MIER2: variants seen among roughly 807,000 people sequenced by gnomAD.
MIER2 encodes the protein MIER family member 2.
A neutral mutation model predicts 67.6 loss-of-function variants in MIER2; 30 were observed. The observed-to-expected ratio is 0.44, with a 90% confidence interval of 0.33 to 0.60. The LOEUF is 0.60. Among genes scored for constraint, MIER2 ranks in the 20% least tolerant of loss-of-function variants. The probability of loss-of-function intolerance (pLI) is 0.02; values close to 1 mark genes in which losing one functional copy is unlikely to be tolerated. For missense variants in MIER2, 702 were observed against 745.1 expected (o/e 0.94, Z 0.67); for synonymous variants, 372 against 312.6 (o/e 1.19, Z -2.00).
intron 7 of MIER2, among the ~76,000 whole-genome samples, chr19:318,953 A>G (rs1400293118): frequency 4.6e-5 from 7 of 151,220 alleles, no homozygotes; most frequent in Non-Finnish European, 7.4e-5. Context: ...GCTACTTGGG[A>G]GGCTGAGACA....
At chr19:333,790 G>A (rs1474643836) in intron 3 of MIER2, among the ~76,000 whole-genome samples, 9 of 148,040 alleles carry the variant, frequency 6.1e-5, no homozygotes, top group South Asian at 2.3e-4. Flanking sequence ...CCGGGTTCAC[G>A]TCATTCTCCC....
rs1445248143 is a variant in MIER2 at position 306,611 on chromosome 19, G to A, written c.*79C>T. On this transcript the variant is annotated 3_prime_UTR_variant, in exon 14 of 14. Transcript: ENST00000264819. ...CCAAGGCCCGGGGGGTGGGGAAGGG[G>A]TCAGGAAGACTGACAGAGGCGGGCC... is the stretch of plus-strand genomic sequence containing the variant. The A allele has an allele frequency of 6.5e-7, 1 of 1,537,048 alleles. No individual in the cohort carries two copies. Among genetic ancestry groups the A allele is most frequent in the African/African-American group, 1.4e-5 (1 of 72,686 alleles).
At position 336,296 on chromosome 19, in the gene MIER2, T is replaced by G. The variant is rs905608257; in HGVS notation, c.10-123A>C. The G allele has an allele frequency of 1.1e-5, 8 of 750,656 alleles. No individual in the cohort carries two copies. The African/African-American group carries it at 1.4e-4, about 13-fold the overall frequency. 46.5% of individuals were successfully genotyped at this position (750,656 alleles called of 1,614,324 possible). A position where few individuals can be genotyped will look rare whatever the true frequency, so the allele number is the denominator to read the frequency against. On this transcript the variant is annotated intron_variant, in intron 1 of 13. Coordinates refer to ENST00000264819, the MANE Select transcript of MIER2 (RefSeq NM_017550.3). ...GTCCCCAGTGACCAGGGAAGGGGCT[T>G]TGTCTCCGCCTCTGAGGGCTGGGGG...
intron 3 of MIER2, among the ~76,000 whole-genome samples, chr19:329,401 T>C (rs2145491631): frequency 6.6e-6 from 1 of 152,248 alleles, no homozygotes; most frequent in African/African-American, 2.4e-5. Context: ...TAGCCCAAGG[T>C]GAAGACCCTT....
chr19:344,004 C>A, intron 1 of MIER2: 1 of 985,438 alleles, frequency 1.0e-6, no homozygotes, highest in Non-Finnish European at 1.2e-6. Context: ...AGTCCAAAAT[C>A]CCACAGATCC....
chr19:323,316 A>G (rs1187951665), intron 7 of MIER2, among the ~76,000 whole-genome samples: 1 of 136,236 alleles, frequency 7.3e-6, no homozygotes, highest in Admixed American at 7.0e-5. Context: ...TACACAAGAC[A>G]CATACAACCA....
intron 3 of MIER2, among the ~76,000 whole-genome samples, chr19:330,059 T>C (rs1438460135): frequency 6.6e-6 from 1 of 152,020 alleles, no homozygotes; most frequent in Non-Finnish European, 1.5e-5. Context: ...AGGCTGTTCC[T>C]GGTCGTTTCA....
At chr19:315,431 A>G (rs1600125081) in intron 7 of MIER2, among the ~76,000 whole-genome samples, 1 of 152,254 alleles carries the variant, frequency 6.6e-6, no homozygotes, top group South Asian at 2.1e-4. Context: ...CGATGTTAAG[A>G]GTCAGCACAC....
At chr19:316,580 A>C (rs1662440539) in intron 7 of MIER2, among the ~76,000 whole-genome samples, 1 of 152,182 alleles carries the variant, frequency 6.6e-6, no homozygotes, top group African/African-American at 2.4e-5. Flanking sequence ...ATGAGCCACC[A>C]CAGCCGGCTC....
In MIER2 at chr19:309,866, G is replaced by C. The variant is rs1453031562; in HGVS notation, c.985-941C>G. On this transcript the variant is annotated intron_variant, in intron 10 of 13. Coordinates refer to ENST00000264819, the MANE Select transcript of MIER2 (RefSeq NM_017550.3). Reference sequence around the variant, plus strand: ...CGCACACAAGGCTTCAGGGAGACGAGAAGGGACACACACGCACACAAGGCT... The same window carrying C: ...CGCACACAAGGCTTCAGGGAGACGACAAGGGACACACACGCACACAAGGCT... 2.2e-3 allele frequency among the ~76,000 whole-genome samples: 55 copies of C among 24,768 alleles called. 9 individuals are homozygous for C. Among genetic ancestry groups the C allele is most frequent in the Admixed American group, 3.9e-3 (10 of 2,562 alleles). The allele number at this position is 24,768 out of a possible 152,430, so 16.2% of individuals were successfully genotyped here.
intron 4 of MIER2, 86 bp from the exon 5 acceptor site, chr19:327,342 G>A (rs903950110): frequency 2.7e-6 from 4 of 1,473,390 alleles, no homozygotes; most frequent in African/African-American, 2.9e-5. Flanking sequence ...TAAAGACACT[G>A]GGAGTGCCCT....
chr19:317,735 A>G (rs897718469), intron 7 of MIER2, among the ~76,000 whole-genome samples: 1 of 149,714 alleles, frequency 6.7e-6, no homozygotes, highest in African/African-American at 2.4e-5. Context: ...TGTCTCAAAA[A>G]AAAAAAAAAA....
Position 305,693 on chromosome 19 carries a change from G to C in MIER2, c.*997C>G, listed in dbSNP as rs557574031. ...TCGAGTCCAACTCGGAAAGGGGCTC[G>C]AGCACAAGAGGCCGGACGACACCCG... On this transcript the variant is annotated 3_prime_UTR_variant, in exon 14 of 14. Coordinates refer to ENST00000264819, the MANE Select transcript of MIER2 (RefSeq NM_017550.3). The C allele has an allele frequency of 6.5e-6, 1 of 152,682 alleles. No individual in the cohort carries two copies. Among genetic ancestry groups the C allele is most frequent in the East Asian group, 1.9e-4 (1 of 5,186 alleles). The allele number at this position is 152,682 out of a possible 1,614,324, so 9.5% of individuals were successfully genotyped here.
chr19:335,338 C>T lies in MIER2; in HGVS notation c.100+745G>A, dbSNP rs567269845. 8.5e-5 allele frequency among the ~76,000 whole-genome samples: 13 copies of T among 152,340 alleles called. No homozygotes were observed. The East Asian group carries it at 2.5e-3, about 29-fold the overall frequency. On this transcript the variant is annotated intron_variant, in intron 2 of 13. Coordinates refer to ENST00000264819, the MANE Select transcript of MIER2 (RefSeq NM_017550.3). ...GTGTGCACCACACACAGCCCATGCA[C>T]AGAACATGCAGCTGCAGGGCACAGA...
Position 326,964 on chromosome 19 carries a change from C to A in MIER2, c.493+169G>T, listed in dbSNP as rs530080405. 565 of 892,068 alleles carry A rather than the reference C, an allele frequency of 6.3e-4. 2 individuals carry two copies. Among genetic ancestry groups the A allele is most frequent in the African/African-American group, 4.9e-3 (286 of 58,144 alleles). The allele number at this position is 892,068 out of a possible 1,614,324, so 55.3% of individuals were successfully genotyped here. Reference sequence around the variant, plus strand: ...CTGAGAGTCCAGGCTCACTGGCCAGCGTGGAGGAGAACAAAGCACCCCCAG... The same window carrying A: ...CTGAGAGTCCAGGCTCACTGGCCAGAGTGGAGGAGAACAAAGCACCCCCAG... On this transcript the variant is annotated intron_variant, in intron 5 of 13. Coordinates refer to ENST00000264819, the MANE Select transcript of MIER2 (RefSeq NM_017550.3).
chr19:338,576 G>C (rs570382002), intron 1 of MIER2, among the ~76,000 whole-genome samples: 1 of 142,636 alleles, frequency 7.0e-6, no homozygotes, highest in East Asian at 1.9e-4. Flanking sequence ...CCCACGAGCC[G>C]ATTTCAAAAG....
chr19:307,089 C>T (rs775133164), intron 13 of MIER2, 30 bp downstream of exon 13: 12 of 1,550,334 alleles, frequency 7.7e-6, no homozygotes, highest in East Asian at 7.1e-5. Flanking sequence ...TGGAGTGTTG[C>T]GGAGGCTCCG....
Position 331,072 on chromosome 19 carries a change from C to G in MIER2, c.244-3083G>C, listed in dbSNP as rs555619692. On this transcript the variant is annotated intron_variant, in intron 3 of 13. Transcript: ENST00000264819. ...ACAGATCAATGTCTCCCTTAAAAGACAGAAACTGACCAGGCGTGGCTCATG... is the reference window on the plus strand; with the variant it reads ...ACAGATCAATGTCTCCCTTAAAAGAGAGAAACTGACCAGGCGTGGCTCATG... Among the ~76,000 whole-genome samples, 106 of 152,214 alleles carry G rather than the reference C, an allele frequency of 7.0e-4. 2 individuals carry two copies. The South Asian group carries it at 0.022, about 31-fold the overall frequency.
intron 4 of MIER2, among the ~76,000 whole-genome samples, 168 bp downstream of exon 4, chr19:327,695 GC>G (rs1205428062): frequency 3.9e-5 from 6 of 152,230 alleles, no homozygotes; most frequent in African/African-American, 4.8e-5. Flanking sequence ...CTAGGGTCCA[GC>G]CCCATGCCCA....
Sources: gnomAD v4.1 joint callset for allele counts (sites outside exome capture counted in the v4.1 genomes callset) on GRCh38, gnomAD v4.1.1 for gene constraint, MANE v1.5 for transcripts, NCBI Gene and HGNC (gene_info 2026-07-23, HGNC 2026-07-21) for gene names.